NSRP1: variants seen among roughly 807,000 people sequenced by gnomAD.
The protein encoded by NSRP1 is nuclear speckle splicing regulatory protein 1.
In NSRP1, 24 loss-of-function variants were observed where a neutral mutation model predicts 54.7. The observed-to-expected ratio is 0.44, with a 90% CI of 0.32 to 0.62. The LOEUF is 0.62. Ranked by LOEUF, NSRP1 falls within the 20% of genes least tolerant of loss-of-function variation. The probability of loss-of-function intolerance (pLI) is 0.06; values close to 1 mark genes in which losing one functional copy is unlikely to be tolerated. For synonymous variants in NSRP1, 210 were observed against 213.8 expected, an observed-to-expected ratio of 0.98 and a Z score of 0.15; for missense variants, 596 against 651.2, an observed-to-expected ratio of 0.92 and a Z score of 0.92.
rs376766098 is a variant in NSRP1, at chr17:30,185,000, C to T, written c.1003C>T (p.Arg335Cys). ...AGACCAAGAGAACCATTACACTGAC[C>T]GTGATTACCGGAAAGAAAGGGATTC... ...SRDQENHYTDRDYRKERDSHR... is the reference protein window; with the variant it reads ...SRDQENHYTDCDYRKERDSHR... The change falls in exon 7 of 7, where the codon CGT becomes TGT. Residue 335 changes from arginine to cysteine, a missense_variant. By Grantham distance (180) the Arg-to-Cys change is radical. Coordinates refer to ENST00000247026, the MANE Select transcript of NSRP1 (RefSeq NM_032141.4). 7.4e-6 allele frequency: 12 copies of T among 1,613,848 alleles called. No homozygotes were observed. The highest frequency in any genetic ancestry group is 4.4e-5 in the South Asian group (4 of 91,064).
At chr17:30,119,644 A>G (rs2071579535) in intron 2 of NSRP1, among the ~76,000 whole-genome samples, 1 of 152,128 alleles carries the variant, frequency 6.6e-6, no homozygotes, top group African/African-American at 2.4e-5. Context: ...CAGGGATTAC[A>G]GGAACACACC....
chr17:30,117,952 T>C (rs574863168), intron 1 of NSRP1, 128 bp from the exon 2 acceptor site: 1 of 685,764 alleles, frequency 1.5e-6, no homozygotes, highest in Non-Finnish European at 2.5e-6. Context: ...GCAAAAACAG[T>C]CTGTTACGTG....
chr17:30,166,659 A>G (rs1904738843), intron 2 of NSRP1, among the ~76,000 whole-genome samples: 1 of 152,328 alleles, frequency 6.6e-6, no homozygotes, highest in African/African-American at 2.4e-5. Context: ...GCAGTGGCTC[A>G]TGCCTATAAT....
At chr17:30,154,733 GAAAA>G (rs910501600) in intron 2 of NSRP1, 2 of 151,434 alleles carry the variant, frequency 1.3e-5, no homozygotes, top group African/African-American at 2.4e-5. Context: ...AAGAAGAAAA[GAAAA>G]AGAAAGAAAT....
intron 2 of NSRP1, among the ~76,000 whole-genome samples, chr17:30,162,178 C>G (rs751607865): frequency 3.9e-5 from 6 of 152,098 alleles, no homozygotes; most frequent in Admixed American, 6.6e-5. Flanking sequence ...GCGCGTGCCA[C>G]CATGCCCGGC....
chr17:30,170,804 T>C (rs1278799498), intron 2 of NSRP1, among the ~76,000 whole-genome samples: 1 of 152,232 alleles, frequency 6.6e-6, no homozygotes, highest in Non-Finnish European at 1.5e-5. Context: ...CCAAGAGGGA[T>C]TGCTAGGCTG....
chr17:30,139,787 G>A, intron 2 of NSRP1, among the ~76,000 whole-genome samples: 1 of 152,196 alleles, frequency 6.6e-6, no homozygotes, highest in South Asian at 2.1e-4. Context: ...CACTTTGGGA[G>A]GCTGAGGCGG....
chr17:30,176,357 T>G (rs1905125919), intron 3 of NSRP1, among the ~76,000 whole-genome samples: 1 of 152,236 alleles, frequency 6.6e-6, no homozygotes, highest in Non-Finnish European at 1.5e-5. Flanking sequence ...ATGCATGTAA[T>G]CCCTGTACTT....
At chr17:30,166,220 C>T (rs1405807616) in intron 2 of NSRP1, among the ~76,000 whole-genome samples, 1 of 152,178 alleles carries the variant, frequency 6.6e-6, no homozygotes, top group African/African-American at 2.4e-5. Context: ...TAGACTGTTT[C>T]TGAGTCTACA....
chr17:30,155,193 A>G (rs1243900771), intron 2 of NSRP1, among the ~76,000 whole-genome samples: 2 of 152,074 alleles, frequency 1.3e-5, no homozygotes, highest in Non-Finnish European at 2.9e-5. Context: ...GGTGCATAAT[A>G]TGGATTACTT....
chr17:30,119,088 T>G (rs1249158682), intron 2 of NSRP1, among the ~76,000 whole-genome samples: 1 of 151,408 alleles, frequency 6.6e-6, no homozygotes, highest in Non-Finnish European at 1.5e-5. Context: ...TTTTAATATT[T>G]TTTTTTCTTT....
At position 30,184,831 on chromosome 17, in the gene NSRP1, T is replaced by G. The variant is rs374953834; in HGVS notation, c.834T>G (p.Asn278Lys). 1 of 1,613,932 alleles carries G rather than the reference T, an allele frequency of 6.2e-7. No individual in the cohort carries two copies. The highest frequency in any genetic ancestry group is 8.5e-7 in the Non-Finnish European group (1 of 1,179,968). ...RREKVIETPE[N>K]DFKHHRSQNH... ...AAAAGGTCATAGAGACCCCTGAGAA[T>G]GACTTCAAGCACCACAGGAGTCAAA... Residue 278 changes from asparagine to lysine, a missense_variant, in exon 7 of 7, where the codon AAT (asparagine) becomes AAG (lysine). By Grantham distance (94) the Asn-to-Lys change is moderately conservative (BLOSUM62 0). Coordinates refer to ENST00000247026, the MANE Select transcript of NSRP1 (RefSeq NM_032141.4).
chr17:30,175,821 T>C (rs1042308441), intron 3 of NSRP1, among the ~76,000 whole-genome samples: 4 of 152,138 alleles, frequency 2.6e-5, no homozygotes, highest in African/African-American at 9.7e-5. Flanking sequence ...ATATTTCCTC[T>C]GTGTTTGAAA....
At chr17:30,121,345 A>G (rs1177877057) in intron 2 of NSRP1, among the ~76,000 whole-genome samples, 1 of 151,742 alleles carries the variant, frequency 6.6e-6, no homozygotes, top group Non-Finnish European at 1.5e-5. Context: ...ACCTAGGTTG[A>G]GGTCATTGGG....
At chr17:30,147,132 C>CTTTTT (rs112865148) in intron 2 of NSRP1, among the ~76,000 whole-genome samples, 1 of 140,394 alleles carries the variant, frequency 7.1e-6, no homozygotes, top group Non-Finnish European at 1.5e-5. Flanking sequence ...CTTTTCTTTT[C>CTTTTT]TTTTTTTTTT....
At chr17:30,180,829 T>C in intron 5 of NSRP1, 79 bp from the exon 6 acceptor site, 1 of 914,310 alleles carries the variant, frequency 1.1e-6, no homozygotes, top group South Asian at 1.3e-5. Context: ...ACACTGTATG[T>C]TATATACTGT....
intron 2 of NSRP1, among the ~76,000 whole-genome samples, chr17:30,161,558 A>C (rs987759543): frequency 1.3e-5 from 2 of 152,252 alleles, no homozygotes; most frequent in Non-Finnish European, 2.9e-5. Context: ...TGAATATTAA[A>C]GAAAAATGTG....
At chr17:30,179,051 T>A in intron 4 of NSRP1, 39 bp from the exon 5 acceptor site, 1 of 1,256,882 alleles carries the variant, frequency 8.0e-7, no homozygotes, top group Non-Finnish European at 1.1e-6. Context: ...ACAATTACTA[T>A]TTTTTTACTC....
At position 30,185,091 on chromosome 17, in the gene NSRP1, C is replaced by A. The variant is rs187315102; in HGVS notation, c.1094C>A (p.Pro365Gln). ...AAGAGGCATGAACAGGAAGATAAAC[C>A]AAGGGCGAGGGACCAAAGAGAAAGA... ...HWKRHEQEDK[P>Q]RARDQRERSD... Residue 365 changes from proline to glutamine, a missense_variant, in exon 7 of 7, where the codon CCA (proline) becomes CAA (glutamine). By Grantham distance (76) the Pro-to-Gln change is moderately conservative. Coordinates refer to ENST00000247026, the MANE Select transcript of NSRP1 (RefSeq NM_032141.4). 48 of 1,613,590 alleles carry A rather than the reference C, an allele frequency of 3.0e-5. No homozygotes were observed. The African/African-American group carries it at 4.9e-4, about 17-fold the overall frequency.
Sources: allele counts gnomAD v4.1 joint callset (sites outside exome capture counted in the v4.1 genomes callset), GRCh38; gene constraint gnomAD v4.1.1; transcripts MANE v1.5; gene names NCBI Gene and HGNC (gene_info 2026-07-23, HGNC 2026-07-21).